Variants in TENM2 observed in about 807,000 individuals in gnomAD.
TENM2 encodes teneurin-2.
A neutral mutation model predicts 245.2 loss-of-function variants in TENM2; 52 were observed. The ratio of observed to expected loss-of-function variants is 0.21; its 90% CI spans 0.17 to 0.27. TENM2 has a LOEUF of 0.27. Among genes scored for constraint, TENM2 ranks in the 10% least tolerant of loss-of-function variants. The pLI is 1.00. For synonymous variants in TENM2, 1,363 were observed against 1,438.9 expected, an observed-to-expected ratio of 0.95 and a Z score of 1.19; for missense variants, 3,046 against 3,666.8, an observed-to-expected ratio of 0.83 and a Z score of 4.37.
intron 5 of TENM2, among the ~76,000 whole-genome samples, chr5:168,007,694 A>G (rs1259755638): frequency 2.0e-5 from 3 of 152,240 alleles, no homozygotes; most frequent in Admixed American, 6.5e-5. Flanking sequence ...CACTGAAAAT[A>G]TCTACTTCAA....
chr5:167,937,427 A>G (rs1023143983), intron 3 of TENM2, among the ~76,000 whole-genome samples: 2 of 152,306 alleles, frequency 1.3e-5, no homozygotes, highest in Admixed American at 1.3e-4. Flanking sequence ...TAAGTGTAAC[A>G]TCACGGGAAA....
the TENM2 span, among the ~76,000 whole-genome samples, chr5:167,201,909 G>A: frequency 2.3e-3 from 350 of 152,176 alleles, 5 homozygotes; most frequent in East Asian, 0.037. Context: ...TGACTGCCTG[G>A]AGACCCTGCT....
chr5:167,745,262 T>C (rs1363533661), intron 2 of TENM2, among the ~76,000 whole-genome samples: 1 of 152,216 alleles, frequency 6.6e-6, no homozygotes, highest in Non-Finnish European at 1.5e-5. Context: ...TCTGCGGACA[T>C]TGGCTGCTCC....
the TENM2 span, among the ~76,000 whole-genome samples, chr5:167,030,448 C>T: frequency 1.3e-5 from 2 of 152,190 alleles, no homozygotes; most frequent in African/African-American, 4.8e-5. Context: ...ACTGCCTGCT[C>T]CTGCCCCGTT....
chr5:167,174,916 GCA>G, the TENM2 span, among the ~76,000 whole-genome samples: 2 of 150,770 alleles, frequency 1.3e-5, no homozygotes, highest in African/African-American at 4.9e-5. Flanking sequence ...GTGAGATCAT[GCA>G]GTATTTTTCT....
chr5:167,865,992 G>T lies in TENM2; in HGVS notation c.503-9994G>T, dbSNP rs1363051932. On this transcript the variant is annotated intron_variant, in intron 2 of 28. Coordinates refer to ENST00000518659, the Ensembl canonical transcript of TENM2. ...GTACAGGCTCTGTACTGGGTGCTAG[G>T]ATACAAAGATGTGTATAGTGTATAA... Among the ~76,000 whole-genome samples the T allele has an allele frequency of 2.6e-5, 4 of 152,304 alleles. No individual in the cohort carries two copies. In the East Asian group the frequency reaches 5.8e-4, roughly 22 times the overall value.
chr5:167,955,079 C>T (rs1409475283), intron 4 of TENM2, among the ~76,000 whole-genome samples: 1 of 152,162 alleles, frequency 6.6e-6, no homozygotes, highest in Non-Finnish European at 1.5e-5. Flanking sequence ...TTTACACTCC[C>T]ACCAACAGTG....
At chr5:167,064,006 G>A in the TENM2 span, among the ~76,000 whole-genome samples, 9 of 152,284 alleles carry the variant, frequency 5.9e-5, no homozygotes, top group African/African-American at 1.9e-4. Flanking sequence ...GAGATCAAAC[G>A]TTGGGAGTCT....
In TENM2 at chr5:167,839,421, A is replaced by T. The variant is rs116787116; in HGVS notation, c.503-36565A>T. Among the ~76,000 whole-genome samples, 1,127 of 152,338 alleles carry T rather than the reference A, an allele frequency of 7.4e-3. 11 individuals are homozygous for T. Among genetic ancestry groups the T allele is most frequent in the African/African-American group, 0.026 (1,074 of 41,574 alleles). ...AACAGTAAATCGGTGAACCTGTCAT[A>T]TGACATTTGTTAGCATCGAAAACCA... On this transcript the variant is annotated intron_variant, in intron 2 of 28. Transcript: ENST00000518659.
At chr5:167,409,990 CAACTA>C (rs928407315) in intron 2 of TENM2, among the ~76,000 whole-genome samples, 1 of 151,850 alleles carries the variant, frequency 6.6e-6, no homozygotes, top group Non-Finnish European at 1.5e-5. Flanking sequence ...TTTAATAACT[CAACTA>C]AACAAATTAC....
chr5:167,163,598 T>G, the TENM2 span, among the ~76,000 whole-genome samples: 1 of 152,166 alleles, frequency 6.6e-6, no homozygotes, highest in Non-Finnish European at 1.5e-5. Flanking sequence ...TTTGCTCGGT[T>G]TTAACACTTT....
chr5:168,033,757 G>A (rs1224779132), intron 5 of TENM2, among the ~76,000 whole-genome samples: 1 of 152,084 alleles, frequency 6.6e-6, no homozygotes, highest in Non-Finnish European at 1.5e-5. Flanking sequence ...CATGGTAGCT[G>A]TAATCACACC....
chr5:168,126,669 G>A, intron 11 of TENM2, 85 bp from the exon 14 acceptor site: 1 of 1,144,284 alleles, frequency 8.7e-7, no homozygotes, highest in South Asian at 1.6e-5. Context: ...CCTGCTCCAG[G>A]GGTCTGGGCC....
chr5:167,298,378 C>T (rs1001035712), intron 1 of TENM2, among the ~76,000 whole-genome samples: 4 of 152,052 alleles, frequency 2.6e-5, no homozygotes, highest in African/African-American at 4.8e-5. Context: ...CCGAGGGGGG[C>T]GGATCACGAG....
intron 2 of TENM2, among the ~76,000 whole-genome samples, chr5:167,489,464 C>T (rs1285422241): frequency 6.6e-6 from 1 of 152,182 alleles, no homozygotes; most frequent in Admixed American, 6.5e-5. Flanking sequence ...CTTCAGACCT[C>T]TGCTCAAGAA....
intron 2 of TENM2, among the ~76,000 whole-genome samples, chr5:167,875,258 T>A (rs1467123837): frequency 6.6e-6 from 1 of 151,910 alleles, no homozygotes; most frequent in Non-Finnish European, 1.5e-5. Context: ...TGGCAAGGTG[T>A]TGTAGTTGGG....
chr5:167,352,389 C>T (rs878970674), intron 1 of TENM2, among the ~76,000 whole-genome samples: 1 of 152,132 alleles, frequency 6.6e-6, no homozygotes, highest in African/African-American at 2.4e-5. Context: ...AAATTTTTAT[C>T]TTTTTCAGGT....
chr5:167,335,813 G>C (rs1757719436), intron 1 of TENM2, among the ~76,000 whole-genome samples: 1 of 152,008 alleles, frequency 6.6e-6, no homozygotes, highest in African/African-American at 2.4e-5. Context: ...TAATCATGAG[G>C]GCTCTCCTTC....
At chr5:167,320,178 C>T (rs557869695) in intron 1 of TENM2, among the ~76,000 whole-genome samples, 1 of 152,268 alleles carries the variant, frequency 6.6e-6, no homozygotes, top group South Asian at 2.1e-4. Flanking sequence ...ATCTGCTATG[C>T]TTATAGCCTC....
Sources: gnomAD v4.1 joint callset for allele counts (sites outside exome capture counted in the v4.1 genomes callset) on GRCh38, gnomAD v4.1.1 for gene constraint, MANE v1.5 for transcripts, NCBI Gene and HGNC (gene_info 2026-07-23, HGNC 2026-07-21) for gene names.